Variants in RB1CC1 observed in about 807,000 individuals in gnomAD.
The protein encoded by RB1CC1 is RB1-inducible coiled-coil protein 1.
In RB1CC1, 46 loss-of-function variants were observed where a neutral mutation model predicts 177.5. The ratio of observed to expected loss-of-function variants is 0.26; its 90% CI spans 0.20 to 0.33. RB1CC1 has a LOEUF of 0.33. RB1CC1 is among the 10% of genes least tolerant of loss of function. The pLI is 1.00. For synonymous variants in RB1CC1, 666 were observed against 613.6 expected (o/e 1.09, Z -1.26); for missense variants, 1,703 against 1,816.3 (o/e 0.94, Z 1.13).
chr8:52,708,805 G>A (rs1448830352), intron 1 of RB1CC1, among the ~76,000 whole-genome samples: 1 of 152,210 alleles, frequency 6.6e-6, no homozygotes, highest in African/African-American at 2.4e-5. Context: ...CGACAGGGTG[G>A]TGGACATTAT....
rs149388730 is a variant in RB1CC1, at chr8:52,656,424, C to A, written c.3405G>T (p.Gln1135His). The A allele has an allele frequency of 2.5e-5, 40 of 1,611,584 alleles. No homozygotes were observed. The highest frequency in any genetic ancestry group is 3.4e-5 in the Non-Finnish European group (40 of 1,179,628). Residue 1135 changes from glutamine (Q) to histidine (H), a missense_variant, in exon 15 of 24, where the codon CAG (glutamine) becomes CAT (histidine). By Grantham distance (24) the Gln-to-His change is conservative. Around this residue, in one of 6 missense-constraint regions of RB1CC1, gnomAD observed 1,169 missense variants for 1,184.7 expected, o/e 0.99. Transcript: ENST00000025008. The stretch of plus-strand genomic sequence containing the variant: ...GTCTACTAATTAACTCGGAAATACA[C>A]TGATCTTTTTCAATTGTCATTAAAG... ...LRTLMTIEKD[Q>H]CISELISRHE...
At chr8:52,664,552 A>G (rs1211552646) in intron 8 of RB1CC1, among the ~76,000 whole-genome samples, 1 of 152,138 alleles carries the variant, frequency 6.6e-6, no homozygotes, top group Admixed American at 6.6e-5. Context: ...ACTACAAATA[A>G]ATTAGGGGGA....
intron 5 of RB1CC1, among the ~76,000 whole-genome samples, chr8:52,681,677 T>C (rs1853733196): frequency 6.6e-6 from 1 of 152,176 alleles, no homozygotes. Flanking sequence ...ACGCCTATAA[T>C]CCCAGCACTT....
intron 16 of RB1CC1, among the ~76,000 whole-genome samples, chr8:52,645,185 T>C (rs16918045): frequency 0.029 from 4,430 of 152,232 alleles, 244 homozygotes; most frequent in African/African-American, 0.1. Context: ...TAATATTCCA[T>C]CTTAATCTAC....
At chr8:52,673,522 C>T (rs1179218727) in intron 7 of RB1CC1, among the ~76,000 whole-genome samples, 2 of 152,088 alleles carry the variant, frequency 1.3e-5, no homozygotes, top group African/African-American at 2.4e-5. Flanking sequence ...ACTTTCTGGG[C>T]AATGAAATTT....
chr8:52,695,062 C>T (rs1465533072), intron 1 of RB1CC1, among the ~76,000 whole-genome samples: 1 of 152,096 alleles, frequency 6.6e-6, no homozygotes, highest in Non-Finnish European at 1.5e-5. Context: ...AAGTGGTTAA[C>T]AAATGTGGAA....
chr8:52,701,755 T>C (rs1591136986), intron 1 of RB1CC1, among the ~76,000 whole-genome samples: 1 of 151,580 alleles, frequency 6.6e-6, no homozygotes, highest in East Asian at 1.9e-4. Context: ...AATTTTCTCT[T>C]CTTTACCTTA....
At chr8:52,672,842 T>C (rs1388942843) in intron 7 of RB1CC1, among the ~76,000 whole-genome samples, 2 of 152,204 alleles carry the variant, frequency 1.3e-5, no homozygotes, top group African/African-American at 4.8e-5. Flanking sequence ...CACTACATTG[T>C]CAATAGTTTA....
At chr8:52,636,924 TG>T (rs1849189112) in intron 18 of RB1CC1, among the ~76,000 whole-genome samples, 1 of 152,326 alleles carries the variant, frequency 6.6e-6, no homozygotes, top group East Asian at 1.9e-4. Flanking sequence ...GGGCTAATTT[TG>T]GACTCTCAAT....
chr8:52,632,935 G>C (rs1848868343), intron 20 of RB1CC1, among the ~76,000 whole-genome samples: 1 of 152,160 alleles, frequency 6.6e-6, no homozygotes, highest in Non-Finnish European at 1.5e-5. Flanking sequence ...CACTAAGTCA[G>C]ACTGAAGCAT....
chr8:52,628,583 G>A (rs1013548215), intron 21 of RB1CC1, among the ~76,000 whole-genome samples: 6 of 152,128 alleles, frequency 3.9e-5, no homozygotes, highest in East Asian at 1.9e-4. Context: ...GTCTCCAAGC[G>A]TAGTGCTCTT....
At chr8:52,677,526 T>G (rs1368482609) in intron 5 of RB1CC1, among the ~76,000 whole-genome samples, 1 of 152,098 alleles carries the variant, frequency 6.6e-6, no homozygotes, top group African/African-American at 2.4e-5. Flanking sequence ...CTCTTTAACA[T>G]GAAGAATGTA....
chr8:52,657,681 T>C lies in RB1CC1; in HGVS notation c.2148A>G (p.Gln716=), dbSNP rs372294178. The C allele has an allele frequency of 8.7e-6, 14 of 1,614,030 alleles. No individual in the cohort carries two copies. Among genetic ancestry groups the C allele is most frequent in the African/African-American group, 1.3e-5 (1 of 74,932 alleles). The part of the protein sequence containing the change: ...PHPNIEQTIH[Q]VSLDLDSLAE... ...CTAATGAATCCAAGTCTAAAGAAAC[T>C]TGGTGAATAGTCTGTTCTATGTTTG... Residue 716 remains glutamine, a synonymous_variant, in exon 15 of 24, where the codon CAA becomes CAG. Coordinates refer to ENST00000025008, the MANE Select transcript of RB1CC1 (RefSeq NM_014781.5).
At position 52,656,577 on chromosome 8, in the gene RB1CC1, C is replaced by T. The variant is rs1291878177; in HGVS notation, c.3252G>A (p.Gln1084=). Residue 1084 remains glutamine, a synonymous_variant, in exon 15 of 24, where the codon CAG becomes CAA. Coordinates refer to ENST00000025008, the MANE Select transcript of RB1CC1 (RefSeq NM_014781.5). ...IKILLEESRA[Q]QKETLKSLLE... The stretch of plus-strand genomic sequence containing the variant: ...GAAGAGATTTCAAGGTCTCCTTCTG[C>T]TGGGCTCTGCTTTCTTCCAGCAAAA... The T allele has an allele frequency of 6.2e-7, 1 of 1,612,442 alleles. No individual in the cohort carries two copies. Among genetic ancestry groups the T allele is most frequent in the Admixed American group, 1.7e-5 (1 of 59,822 alleles).
chr8:52,664,030 G>C (rs2150512903), intron 8 of RB1CC1, among the ~76,000 whole-genome samples: 1 of 152,294 alleles, frequency 6.6e-6, no homozygotes, highest in East Asian at 1.9e-4. Flanking sequence ...ATGTGACCAA[G>C]ACTTCAAGAT....
At chr8:52,689,674 A>T (rs1247179653) in intron 1 of RB1CC1, among the ~76,000 whole-genome samples, 1 of 152,048 alleles carries the variant, frequency 6.6e-6, no homozygotes, top group Non-Finnish European at 1.5e-5. Flanking sequence ...CCCCCAACTT[A>T]TCAGTCCCAA....
At chr8:52,688,239 C>A (rs1414423891) in intron 1 of RB1CC1, among the ~76,000 whole-genome samples, 1 of 152,132 alleles carries the variant, frequency 6.6e-6, no homozygotes, top group Non-Finnish European at 1.5e-5. Context: ...GGTCTGACTG[C>A]CTGCAGGGTC....
At chr8:52,658,152 T>C (rs1199177275) in intron 13 of RB1CC1, 28 bp from the exon 14 acceptor site, 2 of 1,590,940 alleles carry the variant, frequency 1.3e-6, no homozygotes, top group Non-Finnish European at 1.7e-6. Flanking sequence ...GCAATTAGAC[T>C]TCTGATTTTT....
intron 8 of RB1CC1, among the ~76,000 whole-genome samples, chr8:52,667,239 C>G (rs1308261997): frequency 1.3e-5 from 2 of 152,032 alleles, no homozygotes; most frequent in African/African-American, 4.8e-5. Context: ...TACTAAAGGA[C>G]ATTCTAATTT....
Sources: allele counts gnomAD v4.1 joint callset (sites outside exome capture counted in the v4.1 genomes callset), GRCh38; gene constraint gnomAD v4.1.1; regional missense constraint gnomAD v4.1.1; transcripts MANE v1.5; gene names NCBI Gene and HGNC (gene_info 2026-07-23, HGNC 2026-07-21).